The following SLCO1A2 variants were observed in gnomAD, a reference collection of about 807,000 sequenced individuals.
SLCO1A2 encodes the protein OATP-1.
A neutral mutation model predicts 69.0 loss-of-function variants in SLCO1A2; 67 were observed. The ratio of observed to expected loss-of-function variants is 0.97; its 90% CI spans 0.80 to 1.19. SLCO1A2 has a LOEUF of 1.19. Among genes scored for constraint, SLCO1A2 ranks in the 50% most tolerant of loss-of-function variants. The probability of loss-of-function intolerance (pLI) is 0.00; values close to 1 mark genes in which losing one functional copy is unlikely to be tolerated. For missense variants in SLCO1A2, 787 were observed against 793.7 expected (o/e 0.99, Z 0.10); for synonymous variants, 260 against 265.9 (o/e 0.98, Z 0.22).
chr12:21,378,467 G>A (rs1940371821), intron 1 of SLCO1A2: 1 of 1,509,742 alleles, frequency 6.6e-7, no homozygotes, highest in African/African-American at 1.4e-5. Flanking sequence ...ATGTTCTAGT[G>A]ATTTCCTGTA....
At chr12:21,323,504 G>T (rs371886316) in intron 2 of SLCO1A2, among the ~76,000 whole-genome samples, 2 of 152,300 alleles carry the variant, frequency 1.3e-5, no homozygotes, top group South Asian at 2.1e-4. Context: ...GGTCAAGGCT[G>T]CAGTAAGCCT....
chr12:21,276,758 G>C (rs759573433), intron 12 of SLCO1A2, among the ~76,000 whole-genome samples: 1 of 152,170 alleles, frequency 6.6e-6, no homozygotes, highest in South Asian at 2.1e-4. Flanking sequence ...CAGTGATTCT[G>C]AGACTTTATT....
chr12:21,413,903 A>G (rs1941950888), intron 1 of SLCO1A2, among the ~76,000 whole-genome samples: 1 of 152,162 alleles, frequency 6.6e-6, no homozygotes. Context: ...TCACTCCGGT[A>G]CCACAGCAGA....
At chr12:21,273,421 G>C (rs1943237797) in intron 14 of SLCO1A2, among the ~76,000 whole-genome samples, 1 of 152,152 alleles carries the variant, frequency 6.6e-6, no homozygotes, top group African/African-American at 2.4e-5. Flanking sequence ...GATCCATGGA[G>C]AATTGTCTAC....
At chr12:21,388,519 T>C (rs1039367245) in intron 1 of SLCO1A2, among the ~76,000 whole-genome samples, 9 of 152,192 alleles carry the variant, frequency 5.9e-5, no homozygotes, top group Non-Finnish European at 1.3e-4. Context: ...AGATGTCCTT[T>C]GCTCCTCCTT....
At chr12:21,310,871 A>G (rs111285631) in intron 4 of SLCO1A2, among the ~76,000 whole-genome samples, 7,291 of 152,228 alleles carry the variant, frequency 0.048, 560 homozygotes, top group African/African-American at 0.16. Context: ...TCAAAGTGCT[A>G]GGATTATAGG....
At chr12:21,416,405 G>C (rs557802599) in intron 1 of SLCO1A2, among the ~76,000 whole-genome samples, 1 of 150,242 alleles carries the variant, frequency 6.7e-6, no homozygotes, top group African/African-American at 2.4e-5. Flanking sequence ...TAAATCACTC[G>C]CTCTCCCAAA....
At position 21,297,523 on chromosome 12, in the gene SLCO1A2, A is replaced by T. The variant is rs762098538; in HGVS notation, c.956T>A (p.Met319Lys). Residue 319 changes from methionine (M) to lysine (K), a missense_variant, in exon 9 of 15, where the codon ATG (methionine) becomes AAG (lysine). Met to Lys is a moderately conservative substitution (Grantham distance 95). Coordinates refer to ENST00000683939, the MANE Select transcript of SLCO1A2 (RefSeq NM_001386879.1). ...MKSLSCNPIY[M>K]LFILVSVIQF... ...TATCACACTTACAAGTATGAAAAGC[A>T]TATAAATTGGATTGCAGGAAAGACT... is the stretch of plus-strand genomic sequence containing the variant. The T allele has an allele frequency of 6.3e-7, 1 of 1,597,728 alleles. No individual in the cohort carries two copies. Among genetic ancestry groups the T allele is most frequent in the Non-Finnish European group, 8.6e-7 (1 of 1,169,420 alleles).
At chr12:21,352,929 T>C (rs1938075083) in intron 2 of SLCO1A2, among the ~76,000 whole-genome samples, 2 of 152,186 alleles carry the variant, frequency 1.3e-5, no homozygotes, top group African/African-American at 2.4e-5. Flanking sequence ...AAAGACACTT[T>C]TGGCACAAGT....
chr12:21,406,605 C>T (rs1263414219), intron 1 of SLCO1A2, among the ~76,000 whole-genome samples: 1 of 152,164 alleles, frequency 6.6e-6, no homozygotes, highest in East Asian at 1.9e-4. Flanking sequence ...GGGCTGTTAA[C>T]TAATGTAATC....
At chr12:21,292,883 C>A (rs982582701) in intron 11 of SLCO1A2, among the ~76,000 whole-genome samples, 7 of 152,172 alleles carry the variant, frequency 4.6e-5, no homozygotes, top group African/African-American at 1.4e-4. Context: ...GTGTGAGACA[C>A]CGCGCCCAGC....
At chr12:21,367,602 T>A (rs1262248447) in intron 2 of SLCO1A2, among the ~76,000 whole-genome samples, 1 of 151,980 alleles carries the variant, frequency 6.6e-6, no homozygotes, top group Non-Finnish European at 1.5e-5. Context: ...AAGAGGCAAA[T>A]GTTAATTAGA....
At chr12:21,386,783 TGG>T (rs1940904564) in intron 1 of SLCO1A2, among the ~76,000 whole-genome samples, 3 of 152,010 alleles carry the variant, frequency 2.0e-5, no homozygotes, top group Non-Finnish European at 4.4e-5. Context: ...GAAGCAACTT[TGG>T]AACTGGGTAA....
chr12:21,332,583 G>A (rs919375736), intron 2 of SLCO1A2, among the ~76,000 whole-genome samples: 6 of 152,082 alleles, frequency 3.9e-5, no homozygotes, highest in African/African-American at 1.4e-4. Context: ...ACTTTGGAAG[G>A]CTCTTGACCA....
At chr12:21,395,974 C>T (rs199940639), upstream of SLCO1A2, among the ~76,000 whole-genome samples, 2 of 150,898 alleles carry the variant, frequency 1.3e-5, no homozygotes, top group African/African-American at 4.9e-5. Flanking sequence ...GCCTCTCCTC[C>T]TCCAAAGGAA....
upstream of SLCO1A2, among the ~76,000 whole-genome samples, chr12:21,336,877 C>G (rs1952908686): frequency 6.6e-6 from 1 of 152,012 alleles, no homozygotes; most frequent in African/African-American, 2.4e-5. Context: ...AAATCCCTGT[C>G]AATCATCACT....
At chr12:21,272,183 C>T (rs11045922) in intron 14 of SLCO1A2, among the ~76,000 whole-genome samples, 1 of 151,036 alleles carries the variant, frequency 6.6e-6, no homozygotes, top group Non-Finnish European at 1.5e-5. Context: ...CATAGGTGCT[C>T]GTATTTTGGT....
At chr12:21,370,331 CTTTT>C (rs539121076) in intron 2 of SLCO1A2, among the ~76,000 whole-genome samples, 7 of 145,452 alleles carry the variant, frequency 4.8e-5, no homozygotes, top group South Asian at 2.2e-4. Context: ...TCTTCCTTTT[CTTTT>C]TTTTTTATTA....
intron 6 of SLCO1A2, 82 bp from the exon 7 acceptor site, chr12:21,301,351 T>C: frequency 1.3e-6 from 1 of 796,020 alleles, no homozygotes; most frequent in Non-Finnish European, 1.8e-6. Flanking sequence ...AGCCTGAAGA[T>C]TGAATATTTT....
Sources: gnomAD v4.1 joint callset for allele counts (sites outside exome capture counted in the v4.1 genomes callset) on GRCh38, gnomAD v4.1.1 for gene constraint, MANE v1.5 for transcripts, NCBI Gene and HGNC (gene_info 2026-07-23, HGNC 2026-07-21) for gene names.